Variants in MFAP2 observed in about 807,000 individuals in gnomAD.
The protein encoded by MFAP2 is microfibril associated protein 2.
MFAP2 carries 23 observed loss-of-function variants against 30.6 expected under a neutral mutation model. The ratio of observed to expected loss-of-function variants is 0.75; its 90% CI spans 0.54 to 1.07. The LOEUF (loss-of-function observed/expected upper bound fraction) is 1.07. Among genes scored for constraint, MFAP2 ranks in the 50% least tolerant of loss-of-function variants. The pLI, the probability that MFAP2 is intolerant of heterozygous loss-of-function variation, is 0.00. For missense variants in MFAP2, 198 were observed against 223.8 expected (o/e 0.88, Z 0.74); for synonymous variants, 73 against 85.7 (o/e 0.85, Z 0.82).
rs1340000110 is a variant in MFAP2, at chr1:16,975,353, A to G, written c.375-11T>C. Reference sequence around the variant, plus strand: ...TACACACGGCGGAGGCTGCGGGGACAGGGCACGGGAGGTCTCAGCCCCACT... The same window carrying G: ...TACACACGGCGGAGGCTGCGGGGACGGGGCACGGGAGGTCTCAGCCCCACT... On this transcript the variant is annotated splice_polypyrimidine_tract_variant and intron_variant, in intron 7 of 8. Coordinates refer to ENST00000375535, the MANE Select transcript of MFAP2 (RefSeq NM_002403.4). The surrounding 1 kb of genome is among the most constrained non-coding windows in gnomAD (Gnocchi z 5.0). 1.9e-6 allele frequency: 3 copies of G among 1,612,688 alleles called. No individual in the cohort carries two copies. The highest frequency in any genetic ancestry group is 2.5e-6 in the Non-Finnish European group (3 of 1,179,252).
At position 16,978,306 on chromosome 1, in the gene MFAP2, A is replaced by G. The variant is rs1557655830; in HGVS notation, c.-33T>C. ...AAGAGGCAGGCCGGGGTGGTGTCAGAGAGGACAGCTGGGGAAAGACCGGTG... is the reference window on the plus strand; with the variant it reads ...AAGAGGCAGGCCGGGGTGGTGTCAGGGAGGACAGCTGGGGAAAGACCGGTG... On this transcript the variant is annotated 5_prime_UTR_variant, in exon 2 of 9. Transcript: ENST00000375535. 1 of 1,566,368 alleles carries G rather than the reference A, an allele frequency of 6.4e-7. No individual in the cohort carries two copies. The highest frequency in any genetic ancestry group is 1.9e-5 in the Admixed American group (1 of 51,924).
At chr1:16,979,613 G>C (rs950058998) in intron 1 of MFAP2, among the ~76,000 whole-genome samples, 2 of 152,162 alleles carry the variant, frequency 1.3e-5, no homozygotes, top group Non-Finnish European at 2.9e-5. Context: ...GAAAACCCTT[G>C]ACCTCCTCAT....
At position 16,978,282 on chromosome 1, in the gene MFAP2, A is replaced by C. The variant is rs1443084421; in HGVS notation, c.-9T>G. The stretch of plus-strand genomic sequence containing the variant: ...AGGTAGGCAGCTCTCATGGCAACAA[A>C]GAGGCAGGCCGGGGTGGTGTCAGAG... On this transcript the variant is annotated 5_prime_UTR_variant, in exon 2 of 9. Coordinates refer to ENST00000375535, the MANE Select transcript of MFAP2 (RefSeq NM_002403.4). 1 of 1,576,406 alleles carries C rather than the reference A, an allele frequency of 6.3e-7. No individual in the cohort carries two copies.
In MFAP2 at chr1:16,974,808, A is replaced by C; in HGVS notation, c.*112T>G. The C allele has an allele frequency of 2.0e-6, 1 of 503,424 alleles. No homozygotes were observed. Among genetic ancestry groups the C allele is most frequent in the Admixed American group, 4.0e-5 (1 of 25,066 alleles). The allele number at this position is 503,424 out of a possible 1,614,324, so 31.2% of individuals were successfully genotyped here. A position where few individuals can be genotyped will look rare whatever the true frequency, so the allele number is the denominator to read the frequency against. The stretch of plus-strand genomic sequence containing the variant: ...GCAACCCCCAGGGCTGCAGTCCACT[A>C]ACTTTTTACAGAATAAAAGGAACAT... On this transcript the variant is annotated 3_prime_UTR_variant, in exon 9 of 9. Coordinates refer to ENST00000375535, the MANE Select transcript of MFAP2 (RefSeq NM_002403.4).
rs2076574542 is a variant in MFAP2 at position 16,974,745 on chromosome 1, G to A, written c.*175C>T. 4 of 308,014 alleles carry A rather than the reference G, an allele frequency of 1.3e-5. No individual in the cohort carries two copies. Among genetic ancestry groups the A allele is most frequent in the Non-Finnish European group, 2.2e-5 (4 of 184,060 alleles). 19.1% of individuals were successfully genotyped at this position (308,014 alleles called of 1,614,324 possible). On this transcript the variant is annotated 3_prime_UTR_variant, in exon 9 of 9. Coordinates refer to ENST00000375535, the MANE Select transcript of MFAP2 (RefSeq NM_002403.4). Reference sequence around the variant, plus strand: ...GAGCCCCCATTGTGCCCCAGAGGTGGCCACAGGCTGAAGGAGGGGCCTGAG... The same window carrying A: ...GAGCCCCCATTGTGCCCCAGAGGTGACCACAGGCTGAAGGAGGGGCCTGAG...
intron 1 of MFAP2, 136 bp from the exon 2 acceptor site, chr1:16,978,450 G>A: frequency 1.4e-6 from 1 of 720,382 alleles, no homozygotes. Context: ...TGGAGTGGAG[G>A]GACATCCCAG....
Position 16,976,033 on chromosome 1 carries a change from C to T in MFAP2, c.287-303G>A, listed in dbSNP as rs1035098109. The T allele has an allele frequency of 2.1e-5, 10 of 478,006 alleles. No individual in the cohort carries two copies. The highest frequency in any genetic ancestry group is 3.0e-5 in the Non-Finnish European group (8 of 264,358). The allele number at this position is 478,006 out of a possible 1,614,324, so 29.6% of individuals were successfully genotyped here. On this transcript the variant is annotated intron_variant, in intron 6 of 8. Transcript: ENST00000375535. This position sits in a 1 kb window ranked among gnomAD's most constrained non-coding sequence, Gnocchi z 5.5. ...TCCCGAGCAGACGTGCCCACGCTCA[C>T]AGAAGCCCACATAGGAGCGCTCACA...
intron 1 of MFAP2, among the ~76,000 whole-genome samples, chr1:16,979,534 C>A (rs9435731): frequency 0.4 from 61,511 of 152,034 alleles, 14,041 homozygotes; most frequent in Non-Finnish European, 0.52. Flanking sequence ...GGAGTGGGAG[C>A]CGGGAGACGA....
At chr1:16,977,230 A>T (rs1264534102) in intron 2 of MFAP2, 32 bp from the exon 3 acceptor site, 1 of 1,606,922 alleles carries the variant, frequency 6.2e-7, no homozygotes, top group Non-Finnish European at 8.5e-7. Context: ...AGGGTACCCC[A>T]TCGGGAGGGG....
At chr1:16,977,453 C>A in intron 2 of MFAP2, 1 of 484,156 alleles carries the variant, frequency 2.1e-6, no homozygotes, top group Admixed American at 3.5e-5. Flanking sequence ...ACTCCACATG[C>A]TCCTGCCTCC....
Position 16,975,044 on chromosome 1 carries a change from G to T in MFAP2, c.449-21C>A, listed in dbSNP as rs1456120457. 1.2e-6 allele frequency: 1 copy of T among 849,842 alleles called. No homozygotes were observed. The highest frequency in any genetic ancestry group is 2.2e-4 in the Middle Eastern group (1 of 4,562). 52.6% of individuals were successfully genotyped at this position (849,842 alleles called of 1,614,324 possible). On this transcript the variant is annotated intron_variant, in intron 8 of 8. Coordinates refer to ENST00000375535, the MANE Select transcript of MFAP2 (RefSeq NM_002403.4). This position sits in a 1 kb window ranked among gnomAD's most constrained non-coding sequence, Gnocchi z 5.0. ...GTCAGCTATTGGGGGCAGGAAGGAG[G>T]CAGGGTCAGGGTGGAGCTGGGTGAT...
chr1:16,977,381 T>C (rs1291579627), intron 2 of MFAP2, 183 bp from the exon 3 acceptor site: 1 of 619,596 alleles, frequency 1.6e-6, no homozygotes, highest in Non-Finnish European at 2.8e-6. Flanking sequence ...ACCCTGGTCA[T>C]GGGTCACCTC....
rs1184700281 is a variant in MFAP2 at position 16,976,350 on chromosome 1, G to C, written c.286+151C>G. ...CTCCTGGAGCTGCCTGGGGGGCCTG[G>C]TGATGCCAGCCTACGGCAGTCATAC... On this transcript the variant is annotated intron_variant, in intron 6 of 8. Coordinates refer to ENST00000375535, the MANE Select transcript of MFAP2 (RefSeq NM_002403.4). The surrounding 1 kb of genome is among the most constrained non-coding windows in gnomAD (Gnocchi z 5.5). 1 of 978,588 alleles carries C rather than the reference G, an allele frequency of 1.0e-6. No homozygotes were observed. The highest frequency in any genetic ancestry group is 1.9e-5 in the Admixed American group (1 of 53,148). 60.6% of individuals were successfully genotyped at this position (978,588 alleles called of 1,614,324 possible).
chr1:16,980,271 C>CAA (rs2076627395), intron 1 of MFAP2, among the ~76,000 whole-genome samples: 1 of 133,674 alleles, frequency 7.5e-6, no homozygotes, highest in African/African-American at 2.8e-5. Context: ...CACCGGACCC[C>CAA]CCCCCCCCAC....
intron 2 of MFAP2, chr1:16,978,029 A>G: frequency 1.9e-6 from 1 of 518,208 alleles, no homozygotes; most frequent in South Asian, 2.4e-5. Flanking sequence ...CTGCTGTGGA[A>G]GGCTGGGGGA....
Position 16,976,856 on chromosome 1 carries a change from C to T in MFAP2, c.154+41G>A. The stretch of plus-strand genomic sequence containing the variant: ...TACCCCTCCCAGGGGGTCTCCCCAC[C>T]CCAGCTGCCGGCCCGTCCTATCCTA... On this transcript the variant is annotated intron_variant, in intron 4 of 8. Coordinates refer to ENST00000375535, the MANE Select transcript of MFAP2 (RefSeq NM_002403.4). This position sits in a 1 kb window ranked among gnomAD's most constrained non-coding sequence, Gnocchi z 5.5. 6.2e-7 allele frequency: 1 copy of T among 1,614,094 alleles called. No homozygotes were observed. Among genetic ancestry groups the T allele is most frequent in the Non-Finnish European group, 8.5e-7 (1 of 1,179,992 alleles).
rs2076590409 is a variant in MFAP2 at position 16,976,248 on chromosome 1, C to G, written c.286+253G>C. The G allele has an allele frequency of 3.4e-6, 2 of 595,336 alleles. No homozygotes were observed. The highest frequency in any genetic ancestry group is 4.0e-5 in the South Asian group (2 of 50,260). The allele number at this position is 595,336 out of a possible 1,614,324, so 36.9% of individuals were successfully genotyped here. On this transcript the variant is annotated intron_variant, in intron 6 of 8. Transcript: ENST00000375535. The surrounding 1 kb of genome is among the most constrained non-coding windows in gnomAD (Gnocchi z 5.5). ...GCCCCCAGCACACTCCCTGCCCCTCCCAGTATCTGTGAGGTCAGGGGCCTT... is the reference window on the plus strand; with the variant it reads ...GCCCCCAGCACACTCCCTGCCCCTCGCAGTATCTGTGAGGTCAGGGGCCTT...
upstream of MFAP2, chr1:16,980,874 AG>A (rs550975512): frequency 7.8e-5 from 12 of 153,384 alleles, no homozygotes; most frequent in Non-Finnish European, 1.4e-4. Context: ...CGACGGGGTG[AG>A]GGGGGTGAGG....
chr1:16,977,858 G>A (rs771333028), intron 2 of MFAP2: 125 of 242,938 alleles, frequency 5.1e-4, no homozygotes, highest in Non-Finnish European at 9.5e-4. Context: ...GGTCAGGACT[G>A]TATAGAGCAG....
Sources: allele counts gnomAD v4.1 joint callset (sites outside exome capture counted in the v4.1 genomes callset), GRCh38; gene constraint gnomAD v4.1.1; non-coding constraint Gnocchi (gnomAD v3.1); transcripts MANE v1.5; gene names NCBI Gene and HGNC (gene_info 2026-07-23, HGNC 2026-07-21).